CCDC62: variants seen among roughly 807,000 people sequenced by gnomAD.
The protein encoded by CCDC62 is coiled-coil domain-containing protein 62.
A neutral mutation model predicts 80.8 loss-of-function variants in CCDC62; 72 were observed. That is an observed-to-expected ratio of 0.89 (90% CI 0.74 to 1.08). The LOEUF (loss-of-function observed/expected upper bound fraction) is 1.08. Ranked by LOEUF, CCDC62 falls within the 50% of genes least tolerant of loss-of-function variation. CCDC62 has a pLI of 0.00. For synonymous variants in CCDC62, 286 were observed against 296.5 expected, an observed-to-expected ratio of 0.96 and a Z score of 0.36; for missense variants, 704 against 809.4, an observed-to-expected ratio of 0.87 and a Z score of 1.58.
intron 3 of CCDC62, among the ~76,000 whole-genome samples, chr12:122,782,338 G>A (rs745643541): frequency 1.3e-5 from 2 of 152,118 alleles, no homozygotes; most frequent in South Asian, 2.1e-4. Flanking sequence ...CTTTTTAACC[G>A]TTATGCCATT....
intron 1 of CCDC62, among the ~76,000 whole-genome samples, chr12:122,775,236 G>A (rs1049806839): frequency 1.1e-4 from 17 of 152,096 alleles, no homozygotes; most frequent in Admixed American, 9.8e-4. Flanking sequence ...TAAGGAGGAC[G>A]ATTGGCGTCT....
chr12:122,793,071 C>T (rs2030726056), intron 6 of CCDC62, among the ~76,000 whole-genome samples: 1 of 152,184 alleles, frequency 6.6e-6, no homozygotes, highest in Admixed American at 6.5e-5. Context: ...ACCAGCATAG[C>T]TCAGCCTAGC....
At chr12:122,826,296 A>C in intron 12 of CCDC62, 126 bp from the exon 13 acceptor site, 2 of 473,710 alleles carry the variant, frequency 4.2e-6, no homozygotes, top group Non-Finnish European at 7.7e-6. Flanking sequence ...AGTATTTTGC[A>C]TGTCCTGATG....
At chr12:122,797,486 A>T in intron 7 of CCDC62, 91 bp downstream of exon 7, 1 of 702,670 alleles carries the variant, frequency 1.4e-6, no homozygotes, top group Non-Finnish European at 2.6e-6. Context: ...GATTTTGTTT[A>T]ATTGGTGATT....
chr12:122,789,019 T>G lies in CCDC62; in HGVS notation c.670+90T>G. On this transcript the variant is annotated intron_variant, in intron 5 of 12. Transcript: ENST00000253079. ...GTTCACTTAATCTTATGCTTGAGAGTAGATCAATTCCTGGCCTTAGACCCT... is the reference window on the plus strand; with the variant it reads ...GTTCACTTAATCTTATGCTTGAGAGGAGATCAATTCCTGGCCTTAGACCCT... 3.0e-6 allele frequency: 3 copies of G among 1,015,812 alleles called. No homozygotes were observed. The South Asian group carries it at 5.5e-5, about 19-fold the overall frequency. 62.9% of individuals were successfully genotyped at this position (1,015,812 alleles called of 1,614,324 possible).
intron 5 of CCDC62, among the ~76,000 whole-genome samples, chr12:122,791,057 T>C (rs1385301619): frequency 6.6e-6 from 1 of 152,168 alleles, no homozygotes; most frequent in Non-Finnish European, 1.5e-5. Context: ...CAGTTTGTGG[T>C]AATGGATTTG....
intron 11 of CCDC62, among the ~76,000 whole-genome samples, chr12:122,814,288 A>G (rs1566087758): frequency 2.6e-5 from 1 of 37,988 alleles, no homozygotes; most frequent in Non-Finnish European, 1.1e-4. Context: ...TCAAAAAAAA[A>G]AAAAAAAAAA....
chr12:122,813,467 C>T, intron 11 of CCDC62, 48 bp downstream of exon 11: 2 of 1,542,216 alleles, frequency 1.3e-6, no homozygotes, highest in Non-Finnish European at 1.8e-6. Flanking sequence ...TCCAAACACA[C>T]CACTGAACAC....
At chr12:122,804,261 C>T (rs950113471) in intron 9 of CCDC62, among the ~76,000 whole-genome samples, 4 of 152,094 alleles carry the variant, frequency 2.6e-5, no homozygotes, top group African/African-American at 4.8e-5. Context: ...CAAACTCAGG[C>T]GGATCACCTG....
In CCDC62 at chr12:122,787,198, A is replaced by C. The variant is rs193302018; in HGVS notation, c.498+1378A>C. On this transcript the variant is annotated intron_variant, in intron 4 of 12. Transcript: ENST00000253079. ...TGCCGTGGCTCATGCCTATAATCCC[A>C]GCACTTTGGGAAGCTGAGGTGGGTG... Among the ~76,000 whole-genome samples the C allele has an allele frequency of 4.1e-3, 624 of 152,296 alleles. 3 individuals are homozygous for C. The highest frequency in any genetic ancestry group is 0.014 in the African/African-American group (598 of 41,580).
intron 11 of CCDC62, among the ~76,000 whole-genome samples, chr12:122,818,426 C>T (rs2032257334): frequency 6.9e-6 from 1 of 145,950 alleles, no homozygotes; most frequent in Non-Finnish European, 1.5e-5. Context: ...GCACTCCAGC[C>T]TGGGTGACAT....
chr12:122,797,308 A>T lies in CCDC62; in HGVS notation c.774A>T (p.Val258=). 1 of 1,490,234 alleles carries T rather than the reference A, an allele frequency of 6.7e-7. No homozygotes were observed. The highest frequency in any genetic ancestry group is 9.4e-7 in the Non-Finnish European group (1 of 1,067,748). 92.3% of individuals were successfully genotyped at this position (1,490,234 alleles called of 1,614,324 possible). ...TTAATAATACTTGTTCTTAAATAGT[A>T]GAGAGAGAAAAGAGGAAAGATGAAT... ...SCLHDELLFT[V]EREKRKDELL... Residue 258 remains valine, a splice_region_variant and synonymous_variant, in exon 7 of 13, where the codon GTA becomes GTT. Coordinates refer to ENST00000253079, the MANE Select transcript of CCDC62 (RefSeq NM_201435.5).
rs1441366406 is a variant in CCDC62, at chr12:122,811,135, G to A, written c.1852-2135G>A. 5.3e-5 allele frequency among the ~76,000 whole-genome samples: 8 copies of A among 150,912 alleles called. No individual in the cohort carries two copies. The East Asian group carries it at 5.8e-4, about 11-fold the overall frequency. ...GTATACATATGTAACAAACCTGCAC[G>A]TTATGCACATGTACCCTAGAACCTA... On this transcript the variant is annotated intron_variant, in intron 10 of 12. Transcript: ENST00000253079.
chr12:122,806,199 T>G lies in CCDC62; in HGVS notation c.1755T>G (p.Ser585=), dbSNP rs200012251. ...CCCACTCTTTGGGTTCTTCAAAATC[T>G]GCCTTGAGAGAAGATGAGACGGAGT... ...QDSHSLGSSK[S]ALREDETESS... Residue 585 remains serine (S), a synonymous_variant, in exon 10 of 13, where the codon TCT becomes TCG. Coordinates refer to ENST00000253079, the MANE Select transcript of CCDC62 (RefSeq NM_201435.5). The G allele has an allele frequency of 5.6e-6, 9 of 1,613,972 alleles. No individual in the cohort carries two copies. The highest frequency in any genetic ancestry group is 7.6e-6 in the Non-Finnish European group (9 of 1,179,914).
chr12:122,801,029 T>G (rs2031269876), intron 8 of CCDC62, 95 bp from the exon 9 acceptor site: 1 of 1,318,886 alleles, frequency 7.6e-7, no homozygotes. Context: ...CGAGTCTCAT[T>G]GGGATTTAGC....
rs2031027674 is a variant in CCDC62 at position 122,797,386 on chromosome 12, T to C, written c.852T>C (p.Asn284=). Residue 284 remains asparagine (N), a synonymous_variant, in exon 7 of 13, where the codon AAT becomes AAC. Coordinates refer to ENST00000253079, the MANE Select transcript of CCDC62 (RefSeq NM_201435.5). ...KQERTNSELH[N]LRQIYVKQQS... ...AACGCACAAATTCAGAACTGCACAA[T>C]CTGAGACAGGTATGTCCCCAATCAT... 6 of 1,570,020 alleles carry C rather than the reference T, an allele frequency of 3.8e-6. No homozygotes were observed. Among genetic ancestry groups the C allele is most frequent in the Non-Finnish European group, 4.4e-6 (5 of 1,140,312 alleles).
At chr12:122,812,769 G>A (rs983283415) in intron 10 of CCDC62, among the ~76,000 whole-genome samples, 87 of 65,232 alleles carry the variant, frequency 1.3e-3, no homozygotes, top group African/African-American at 5.4e-3. Context: ...GAGAGAGAGA[G>A]AGAGAGAGAG....
intron 10 of CCDC62, among the ~76,000 whole-genome samples, chr12:122,811,821 CAAAAAAAAAAAAAAAAAAA>C (rs67025764): frequency 2.3e-4 from 8 of 34,664 alleles, no homozygotes; most frequent in Non-Finnish European, 2.5e-4. Flanking sequence ...ACTCCATCTG[CAAAAAAAAAAAAAAAAAAA>C]AAAAAAAAAA....
chr12:122,775,168 A>G (rs1480643207), intron 1 of CCDC62, among the ~76,000 whole-genome samples: 2 of 151,844 alleles, frequency 1.3e-5, no homozygotes, highest in Non-Finnish European at 2.9e-5. Context: ...CCTTAACCCA[A>G]TAACACCTTG....
Sources: gnomAD v4.1 joint callset for allele counts (sites outside exome capture counted in the v4.1 genomes callset) on GRCh38, gnomAD v4.1.1 for gene constraint, MANE v1.5 for transcripts, NCBI Gene and HGNC (gene_info 2026-07-23, HGNC 2026-07-21) for gene names.